The following FBXL13 variants were observed in gnomAD, a reference collection of about 807,000 sequenced individuals.
FBXL13 encodes F-box and leucine-rich repeat protein 13.
A neutral mutation model predicts 83.6 loss-of-function variants in FBXL13; 67 were observed. The observed-to-expected ratio is 0.80, with a 90% CI of 0.66 to 0.98. The LOEUF is 0.98. FBXL13 is among the 50% of genes least tolerant of loss of function. FBXL13 has a pLI of 0.00. For missense variants in FBXL13, 822 were observed against 866.5 expected, an observed-to-expected ratio of 0.95 and a Z score of 0.64; for synonymous variants, 272 against 299.5, an observed-to-expected ratio of 0.91 and a Z score of 0.95.
intron 11 of FBXL13, among the ~76,000 whole-genome samples, chr7:102,905,578 C>A (rs1813626984): frequency 6.6e-6 from 1 of 152,048 alleles, no homozygotes; most frequent in Non-Finnish European, 1.5e-5. Context: ...CATTCTATAT[C>A]TTTTCATTGG....
chr7:102,823,881 G>A (rs1297223002), intron 18 of FBXL13, among the ~76,000 whole-genome samples: 1 of 152,046 alleles, frequency 6.6e-6, no homozygotes, highest in African/African-American at 2.4e-5. Flanking sequence ...CATTATAACT[G>A]ACTCTCACAA....
intron 2 of FBXL13, among the ~76,000 whole-genome samples, chr7:103,035,823 T>A (rs776404596): frequency 6.6e-6 from 1 of 152,240 alleles, no homozygotes; most frequent in African/African-American, 2.4e-5. Context: ...AGATTATATA[T>A]GAAATTGTCT....
chr7:103,032,337 G>C (rs1047559051), intron 2 of FBXL13, among the ~76,000 whole-genome samples: 1 of 152,158 alleles, frequency 6.6e-6, no homozygotes, highest in African/African-American at 2.4e-5. Flanking sequence ...CTATTTTAAA[G>C]TATATAAATT....
intron 1 of FBXL13, among the ~76,000 whole-genome samples, chr7:103,057,405 C>A (rs1797439236): frequency 1.0e-5 from 1 of 97,368 alleles, no homozygotes; most frequent in African/African-American, 3.2e-5. Flanking sequence ...ATGAGAAACT[C>A]ATTGGGGTTG....
chr7:102,966,596 T>TA (rs1411464223), intron 7 of FBXL13, among the ~76,000 whole-genome samples: 2 of 152,152 alleles, frequency 1.3e-5, no homozygotes, highest in Non-Finnish European at 2.9e-5. Flanking sequence ...TCTCACTAGA[T>TA]AAAGACCAAG....
chr7:103,027,539 T>C (rs1345425502), exon 5 of FBXL13: 3 of 1,611,582 alleles, frequency 1.9e-6, no homozygotes, highest in African/African-American at 2.7e-5. Context: ...AGATGATCTG[T>C]TGTATCCGCA....
chr7:103,011,185 T>C (rs1307729923), intron 6 of FBXL13, among the ~76,000 whole-genome samples: 2 of 152,160 alleles, frequency 1.3e-5, no homozygotes, highest in East Asian at 3.8e-4. Context: ...CAATGATTCT[T>C]AACCAGGCTG....
intron 3 of FBXL13, 133 bp downstream of exon 4, chr7:103,029,218 T>C (rs972363086): frequency 3.9e-6 from 2 of 518,864 alleles, no homozygotes; most frequent in Non-Finnish European, 6.8e-6. Flanking sequence ...AAGAAATATA[T>C]AATACAAAAT....
intron 6 of FBXL13, among the ~76,000 whole-genome samples, chr7:102,995,618 C>G (rs1431912692): frequency 6.6e-6 from 1 of 151,334 alleles, no homozygotes; most frequent in Non-Finnish European, 1.5e-5. Flanking sequence ...GAAACACTGT[C>G]TCTACTAAGA....
intron 6 of FBXL13, among the ~76,000 whole-genome samples, chr7:103,023,759 G>A (rs1793500297): frequency 6.6e-6 from 1 of 152,110 alleles, no homozygotes; most frequent in South Asian, 2.1e-4. Context: ...TTTTTAAAAT[G>A]TGGTATATAT....
chr7:103,005,085 TTTAAAG>T (rs530890825), intron 6 of FBXL13, among the ~76,000 whole-genome samples: 67 of 152,330 alleles, frequency 4.4e-4, no homozygotes, highest in African/African-American at 1.4e-3. Flanking sequence ...TAATCTTGTA[TTTAAAG>T]TTAATTATAC....
intron 6 of FBXL13, chr7:102,988,967 G>C (rs527774270): frequency 6.6e-6 from 1 of 152,262 alleles, no homozygotes; most frequent in East Asian, 1.9e-4. Context: ...AACCTGGAGA[G>C]CTCCTTGCCC....
chr7:102,888,389 A>G (rs943206715), intron 11 of FBXL13, among the ~76,000 whole-genome samples: 1 of 152,214 alleles, frequency 6.6e-6, no homozygotes, highest in Non-Finnish European at 1.5e-5. Context: ...ATACAAAAAA[A>G]TTAGCCAGGC....
At chr7:103,073,236 A>C (rs986377457) in intron 1 of FBXL13, among the ~76,000 whole-genome samples, 2 of 152,236 alleles carry the variant, frequency 1.3e-5, no homozygotes, top group African/African-American at 4.8e-5. Flanking sequence ...GTACATAAAC[A>C]CATATACAAC....
intron 2 of FBXL13, among the ~76,000 whole-genome samples, chr7:103,032,685 A>C (rs1042215793): frequency 6.6e-6 from 1 of 152,238 alleles, no homozygotes; most frequent in Non-Finnish European, 1.5e-5. Flanking sequence ...AGGTGGGATA[A>C]CATTGGCCTA....
chr7:102,977,450 C>G (rs751477155), intron 6 of FBXL13, among the ~76,000 whole-genome samples: 4 of 152,166 alleles, frequency 2.6e-5, no homozygotes, highest in Non-Finnish European at 4.4e-5. Context: ...CTTCAAACAT[C>G]AGAAAAGTAG....
At chr7:102,894,812 A>G (rs1488291034) in intron 11 of FBXL13, among the ~76,000 whole-genome samples, 1 of 152,150 alleles carries the variant, frequency 6.6e-6, no homozygotes, top group East Asian at 1.9e-4. Context: ...TTCTTTCTGT[A>G]AATTTAAAGA....
At chr7:102,924,465 G>A (rs771831929) in intron 10 of FBXL13, among the ~76,000 whole-genome samples, 2 of 152,000 alleles carry the variant, frequency 1.3e-5, no homozygotes, top group Non-Finnish European at 2.9e-5. Flanking sequence ...GTGTGTAAGA[G>A]CATCAGAAGA....
In FBXL13 at chr7:102,844,360, C is replaced by T. The variant is rs186932707; in HGVS notation, c.1719+10417G>A. ...AAAAGAAATAAAACTGCACAGGACC[C>T]ATACATTCATCATTACTAGAACTAA... On this transcript the variant is annotated intron_variant, in intron 17 of 19. Coordinates refer to ENST00000313221, the Ensembl canonical transcript of FBXL13. 7.2e-5 allele frequency among the ~76,000 whole-genome samples: 11 copies of T among 152,270 alleles called. No homozygotes were observed. In the East Asian group the frequency reaches 1.9e-3, roughly 27 times the overall value.
Sources: allele counts gnomAD v4.1 joint callset (sites outside exome capture counted in the v4.1 genomes callset), GRCh38; gene constraint gnomAD v4.1.1; transcripts MANE v1.5; gene names NCBI Gene and HGNC (gene_info 2026-07-23, HGNC 2026-07-21).